ZNF236: variants seen among roughly 807,000 people sequenced by gnomAD.
ZNF236 encodes the protein zinc finger protein 236.
A neutral mutation model predicts 191.2 loss-of-function variants in ZNF236; 50 were observed. That is an observed-to-expected ratio of 0.26 (90% CI 0.21 to 0.33). The LOEUF (loss-of-function observed/expected upper bound fraction) is 0.33, where lower values mean the gene tolerates loss of function less well. ZNF236 is among the 10% of genes least tolerant of loss of function. ZNF236 has a pLI of 1.00. For synonymous variants in ZNF236, 907 were observed against 928.8 expected (o/e 0.98, Z 0.43); for missense variants, 1,754 against 2,374.5 (o/e 0.74, Z 5.43).
chr18:76,949,253 T>G (rs935364432), intron 27 of ZNF236, among the ~76,000 whole-genome samples: 11 of 152,218 alleles, frequency 7.2e-5, no homozygotes, highest in Non-Finnish European at 1.5e-4. Flanking sequence ...TGCTATTTTT[T>G]AACATTATGA....
intron 1 of ZNF236, among the ~76,000 whole-genome samples, chr18:76,835,964 T>A (rs758391974): frequency 4.6e-5 from 7 of 152,140 alleles, no homozygotes; most frequent in Non-Finnish European, 7.4e-5. Flanking sequence ...CTGGAGTGCA[T>A]TGGCACAATC....
intron 3 of ZNF236, among the ~76,000 whole-genome samples, chr18:76,857,559 A>G (rs1176264189): frequency 1.3e-5 from 2 of 152,120 alleles, no homozygotes; most frequent in Admixed American, 6.5e-5. Context: ...AGCAGAGGAG[A>G]GTAGAAGGCT....
At chr18:76,826,348 T>C (rs1975019696) in intron 1 of ZNF236, among the ~76,000 whole-genome samples, 1 of 145,698 alleles carries the variant, frequency 6.9e-6, no homozygotes, top group Non-Finnish European at 1.5e-5. Flanking sequence ...GGTCTCGAAC[T>C]CCTGACCTCA....
intron 11 of ZNF236, 60 bp downstream of exon 11, chr18:76,899,282 G>T: frequency 7.0e-7 from 1 of 1,431,382 alleles, no homozygotes. Flanking sequence ...TTGACATTTT[G>T]TGAATTGTGT....
chr18:76,910,259 G>A (rs1378294450), intron 15 of ZNF236, 90 bp downstream of exon 15: 7 of 1,154,236 alleles, frequency 6.1e-6, no homozygotes, highest in Non-Finnish European at 1.2e-6. Flanking sequence ...TTCTCTTAAG[G>A]CCCTTCTAAA....
chr18:76,926,976 TA>T lies in ZNF236; in HGVS notation c.4028-60del, dbSNP rs1240264165. 3.2e-6 allele frequency: 5 copies of T among 1,544,114 alleles called. No homozygotes were observed. In the African/African-American group the frequency reaches 6.9e-5, roughly 21 times the overall value. ...AAAAATCCCTATGTAAAAAATGAAT[TA>T]CTTTAGTTTTAAGAAGCATTCATAA... is the stretch of plus-strand genomic sequence containing the variant. On this transcript the variant is annotated intron_variant, in intron 22 of 30. Coordinates refer to ENST00000320610, the MANE Select transcript of ZNF236 (RefSeq NM_001306089.2).
At chr18:76,935,255 G>A (rs911296242) in intron 25 of ZNF236, among the ~76,000 whole-genome samples, 1 of 152,172 alleles carries the variant, frequency 6.6e-6, no homozygotes, top group Non-Finnish European at 1.5e-5. Flanking sequence ...AGTTCTACTG[G>A]AACCGGTATC....
chr18:76,851,949 A>C lies in ZNF236; in HGVS notation c.363+10A>C. The C allele has an allele frequency of 6.2e-7, 1 of 1,601,170 alleles. No individual in the cohort carries two copies. Among genetic ancestry groups the C allele is most frequent in the Non-Finnish European group, 8.5e-7 (1 of 1,173,390 alleles). On this transcript the variant is annotated intron_variant, in intron 3 of 30. Transcript: ENST00000320610. ...ACATGAAAAGGAAGAGGTAATCATC[A>C]TCATTTTGCATATACTTTGTTAACT... is the stretch of plus-strand genomic sequence containing the variant.
At chr18:76,841,370 C>A (rs1975496842) in intron 1 of ZNF236, among the ~76,000 whole-genome samples, 1 of 152,240 alleles carries the variant, frequency 6.6e-6, no homozygotes, top group Non-Finnish European at 1.5e-5. Flanking sequence ...CCGCGCCCGG[C>A]CAGGTGAATC....
intron 3 of ZNF236, among the ~76,000 whole-genome samples, chr18:76,867,220 T>C (rs145375447): frequency 1.5e-5 from 1 of 65,788 alleles, no homozygotes; most frequent in Non-Finnish European, 3.0e-5. Context: ...CATTCAGGAC[T>C]GCAGAGGTTT....
chr18:76,964,045 G>C (rs1362232921), intron 30 of ZNF236, among the ~76,000 whole-genome samples: 2 of 151,860 alleles, frequency 1.3e-5, no homozygotes, highest in Non-Finnish European at 2.9e-5. Context: ...TCTTTTGTTT[G>C]TTTGTTTCAA....
At chr18:76,907,519 G>T (rs1326948720) in intron 13 of ZNF236, among the ~76,000 whole-genome samples, 2 of 152,094 alleles carry the variant, frequency 1.3e-5, no homozygotes, top group Admixed American at 6.5e-5. Context: ...AGTAGAGATG[G>T]GGTTTCACCA....
chr18:76,891,792 T>C (rs564835962), intron 9 of ZNF236, among the ~76,000 whole-genome samples: 2 of 152,284 alleles, frequency 1.3e-5, no homozygotes, highest in South Asian at 4.1e-4. Context: ...TGAAATGTAA[T>C]GCCACCTTGA....
intron 9 of ZNF236, among the ~76,000 whole-genome samples, chr18:76,884,359 C>A (rs572290950): frequency 3.3e-5 from 5 of 151,586 alleles, no homozygotes; most frequent in African/African-American, 1.2e-4. Flanking sequence ...CGAGATCATG[C>A]CATTGGACTC....
intron 27 of ZNF236, among the ~76,000 whole-genome samples, chr18:76,949,500 G>A (rs116323367): frequency 0.031 from 4,747 of 152,054 alleles, 242 homozygotes; most frequent in African/African-American, 0.11. Flanking sequence ...AGTGAATACA[G>A]GCATACCTCA....
At chr18:76,878,711 C>T (rs1203550970) in intron 7 of ZNF236, among the ~76,000 whole-genome samples, 3 of 151,822 alleles carry the variant, frequency 2.0e-5, no homozygotes, top group Non-Finnish European at 4.4e-5. Context: ...TCGTACTGCA[C>T]TACCCTCTCA....
At chr18:76,892,857 G>A (rs536288786) in intron 9 of ZNF236, among the ~76,000 whole-genome samples, 16 of 152,326 alleles carry the variant, frequency 1.1e-4, no homozygotes, top group Non-Finnish European at 2.2e-4. Context: ...GTGAGCCACC[G>A]CACCTGGACT....
chr18:76,904,303 A>C (rs1599380562), intron 11 of ZNF236, 77 bp from the exon 12 acceptor site: 2 of 1,396,736 alleles, frequency 1.4e-6, no homozygotes, highest in Non-Finnish European at 1.9e-6. Context: ...CTTCTGGGTA[A>C]AACATGTGCC....
intron 18 of ZNF236, among the ~76,000 whole-genome samples, chr18:76,915,439 T>C (rs1010786090): frequency 3.3e-5 from 5 of 152,008 alleles, no homozygotes; most frequent in Non-Finnish European, 7.4e-5. Flanking sequence ...CTTAAAACAA[T>C]CCCATTTCTA....
Sources: gnomAD v4.1 joint callset for allele counts (sites outside exome capture counted in the v4.1 genomes callset) on GRCh38, gnomAD v4.1.1 for gene constraint, MANE v1.5 for transcripts, NCBI Gene and HGNC (gene_info 2026-07-23, HGNC 2026-07-21) for gene names.